CREB5: variants seen among roughly 807,000 people sequenced by gnomAD.
CREB5 encodes the protein cAMP responsive element binding protein 5, also known as cyclic AMP-responsive element-binding protein 5.
A neutral mutation model predicts 57.1 loss-of-function variants in CREB5; 19 were observed. The observed-to-expected ratio is 0.33, with a 90% confidence interval of 0.23 to 0.49. CREB5 has a LOEUF of 0.49. Ranked by LOEUF, CREB5 falls within the 20% of genes least tolerant of loss-of-function variation. The pLI, the probability that CREB5 is intolerant of heterozygous loss-of-function variation, is 0.99. For missense variants in CREB5, 579 were observed against 671.6 expected (o/e 0.86, Z 1.52); for synonymous variants, 238 against 238.3 (o/e 1.00, Z 0.01).
chr7:28,432,078 T>C (rs1356845602), intron 1 of CREB5, among the ~76,000 whole-genome samples: 1 of 152,008 alleles, frequency 6.6e-6, no homozygotes, highest in East Asian at 1.9e-4. Context: ...TGATGTCTGT[T>C]AACCAAAAGC....
At chr7:28,610,925 C>T (rs1267313538) in intron 5 of CREB5, among the ~76,000 whole-genome samples, 1 of 151,116 alleles carries the variant, frequency 6.6e-6, no homozygotes, top group Non-Finnish European at 1.5e-5. Flanking sequence ...GAGAGGGAGT[C>T]GTTTATGTAT....
intron 10 of CREB5, 60 bp downstream of exon 10, chr7:28,818,239 C>T: frequency 8.2e-7 from 1 of 1,218,112 alleles, no homozygotes. Context: ...ACTAAGTTTG[C>T]ACTGAATTTG....
intron 1 of CREB5, among the ~76,000 whole-genome samples, chr7:28,465,560 A>T (rs1790528575): frequency 6.6e-6 from 1 of 152,194 alleles, no homozygotes. Flanking sequence ...TAGGATTTGG[A>T]GGTAGAGGGC....
At chr7:28,537,018 G>A (rs1041874950) in intron 4 of CREB5, among the ~76,000 whole-genome samples, 1 of 152,164 alleles carries the variant, frequency 6.6e-6, no homozygotes, top group African/African-American at 2.4e-5. Context: ...TACCACAATT[G>A]TGCTGGAAGC....
At chr7:28,636,662 T>C (rs1327174696) in intron 5 of CREB5, among the ~76,000 whole-genome samples, 1 of 152,232 alleles carries the variant, frequency 6.6e-6, no homozygotes, top group Non-Finnish European at 1.5e-5. Flanking sequence ...TCCTAGACTT[T>C]TCCCTTTCAA....
At chr7:28,633,018 T>C (rs1353787886) in intron 5 of CREB5, among the ~76,000 whole-genome samples, 5 of 152,176 alleles carry the variant, frequency 3.3e-5, no homozygotes, top group Non-Finnish European at 7.3e-5. Context: ...GAGCTAAGAC[T>C]TCCATAGCTC....
intron 1 of CREB5, among the ~76,000 whole-genome samples, chr7:28,452,996 C>T (rs1789899359): frequency 6.6e-6 from 1 of 152,202 alleles, no homozygotes; most frequent in Non-Finnish European, 1.5e-5. Flanking sequence ...TGTGAATGTG[C>T]AGCCCGACAT....
At chr7:28,423,045 G>A (rs1788337340) in intron 1 of CREB5, among the ~76,000 whole-genome samples, 1 of 152,130 alleles carries the variant, frequency 6.6e-6, no homozygotes, top group Admixed American at 6.5e-5. Context: ...TAAAGTAAGT[G>A]CCAGACATAT....
At chr7:28,540,430 A>G (rs547999729) in intron 4 of CREB5, among the ~76,000 whole-genome samples, 1 of 152,310 alleles carries the variant, frequency 6.6e-6, no homozygotes, top group African/African-American at 2.4e-5. Context: ...TGATAGCTCT[A>G]ATAGGCATCT....
intron 1 of CREB5, among the ~76,000 whole-genome samples, chr7:28,434,975 ATG>A (rs1788887912): frequency 6.6e-6 from 1 of 152,076 alleles, no homozygotes. Flanking sequence ...TAGCACGTGA[ATG>A]TCTTATTTTT....
intron 5 of CREB5, among the ~76,000 whole-genome samples, chr7:28,661,053 G>C (rs1799591801): frequency 6.6e-6 from 1 of 152,040 alleles, no homozygotes; most frequent in Admixed American, 6.6e-5. Context: ...GGAAATGTTG[G>C]GGGAGGGTAG....
chr7:28,303,598 G>T (rs1207269605), intron 1 of CREB5, among the ~76,000 whole-genome samples: 1 of 152,142 alleles, frequency 6.6e-6, no homozygotes, highest in Admixed American at 6.5e-5. Flanking sequence ...TATTTGCATG[G>T]TTGCTGAAGA....
At chr7:28,450,068 G>C (rs1006538167) in intron 1 of CREB5, among the ~76,000 whole-genome samples, 2 of 152,170 alleles carry the variant, frequency 1.3e-5, no homozygotes, top group African/African-American at 4.8e-5. Flanking sequence ...ACAATAACAA[G>C]AGAAGCTGTT....
intron 5 of CREB5, among the ~76,000 whole-genome samples, chr7:28,651,613 A>G (rs575770567): frequency 6.6e-6 from 1 of 152,000 alleles, no homozygotes; most frequent in South Asian, 2.1e-4. Context: ...GCACCTTTCT[A>G]TTTCTGTTTC....
chr7:28,747,959 C>T (rs376183599), intron 7 of CREB5, among the ~76,000 whole-genome samples: 63 of 152,286 alleles, frequency 4.1e-4, no homozygotes, highest in Non-Finnish European at 6.8e-4. Flanking sequence ...TCACTGCTCA[C>T]GGTGGTGTCT....
chr7:28,757,726 G>C (rs543437751), intron 7 of CREB5, among the ~76,000 whole-genome samples: 1 of 152,040 alleles, frequency 6.6e-6, no homozygotes, highest in South Asian at 2.1e-4. Context: ...GGTGGTGATG[G>C]TACAGGTGGA....
intron 1 of CREB5, among the ~76,000 whole-genome samples, chr7:28,470,837 C>T (rs529597913): frequency 1.3e-5 from 2 of 152,250 alleles, no homozygotes; most frequent in African/African-American, 4.8e-5. Flanking sequence ...AATGACGTTG[C>T]ACACCCTTTC....
At chr7:28,543,494 T>A (rs1238845354) in intron 4 of CREB5, among the ~76,000 whole-genome samples, 2 of 150,058 alleles carry the variant, frequency 1.3e-5, no homozygotes, top group African/African-American at 4.9e-5. Flanking sequence ...CATCTGTCCA[T>A]ATCATTACAA....
intron 9 of CREB5, among the ~76,000 whole-genome samples, chr7:28,817,360 A>G (rs1184907999): frequency 2.0e-5 from 3 of 152,196 alleles, no homozygotes; most frequent in East Asian, 1.9e-4. Context: ...TCCCATGAAC[A>G]GTAATTGAGT....
Sources: allele counts gnomAD v4.1 joint callset (sites outside exome capture counted in the v4.1 genomes callset), GRCh38; gene constraint gnomAD v4.1.1; transcripts MANE v1.5; gene names NCBI Gene and HGNC (gene_info 2026-07-23, HGNC 2026-07-21).